The following CADPS2 variants were observed in gnomAD, a reference collection of about 807,000 sequenced individuals.
CADPS2 encodes calcium-dependent secretion activator 2.
In CADPS2, 93 loss-of-function variants were observed where a neutral mutation model predicts 172.5. The ratio of observed to expected loss-of-function variants is 0.54; its 90% CI spans 0.46 to 0.64. CADPS2 has a LOEUF of 0.64. Among genes scored for constraint, CADPS2 ranks in the 30% least tolerant of loss-of-function variants. CADPS2 has a pLI of 0.00. For synonymous variants in CADPS2, 546 were observed against 555.2 expected, an observed-to-expected ratio of 0.98 and a Z score of 0.23; for missense variants, 1,420 against 1,565.9, an observed-to-expected ratio of 0.91 and a Z score of 1.57.
intron 8 of CADPS2, among the ~76,000 whole-genome samples, chr7:122,553,471 C>A (rs2064590016): frequency 6.6e-6 from 1 of 152,008 alleles, no homozygotes; most frequent in Non-Finnish European, 1.5e-5. Context: ...TCTAAGAGCC[C>A]ACCCTCTCAT....
chr7:122,702,827 C>T, intron 2 of CADPS2: 1 of 1,146,188 alleles, frequency 8.7e-7, no homozygotes, highest in Middle Eastern at 2.0e-4. Flanking sequence ...AAGAAGATAG[C>T]TTGTTGGCGG....
At chr7:122,476,299 T>C (rs1209365382) in intron 12 of CADPS2, among the ~76,000 whole-genome samples, 1 of 152,024 alleles carries the variant, frequency 6.6e-6, no homozygotes, top group Non-Finnish European at 1.5e-5. Flanking sequence ...CATTAATGGT[T>C]AATCTGTTGA....
Position 122,819,783 on chromosome 7 carries a change from ATCC to A in CADPS2, c.339+66213_339+66215del, listed in dbSNP as rs567349989. Among the ~76,000 whole-genome samples, 174 of 152,048 alleles carry A rather than the reference ATCC, an allele frequency of 1.1e-3. 5 individuals carry two copies. The South Asian group carries it at 0.034, about 30-fold the overall frequency. ...CTTCCCAATCCAAAGCCTCCTTTGC[ATCC>A]TCCTCTTGTATCCCCCCACCTTAAT... On this transcript the variant is annotated intron_variant, in intron 1 of 29. Transcript: ENST00000449022.
chr7:122,877,095 C>T (rs1185430553), intron 1 of CADPS2, among the ~76,000 whole-genome samples: 3 of 151,780 alleles, frequency 2.0e-5, no homozygotes, highest in South Asian at 2.1e-4. Flanking sequence ...AGAAATTACC[C>T]GAGAAATGCA....
At chr7:122,867,869 G>C (rs1818715591) in intron 1 of CADPS2, among the ~76,000 whole-genome samples, 1 of 152,098 alleles carries the variant, frequency 6.6e-6, no homozygotes. Context: ...GCTTGCTTTT[G>C]AGATATAGTC....
chr7:122,621,609 A>C lies in CADPS2; in HGVS notation c.976T>G (p.Ser326Ala). Residue 326 changes from serine (S) to alanine (A), a missense_variant, in exon 5 of 30, where the codon TCG becomes GCG. Physicochemically the swap from Ser to Ala is moderately conservative, Grantham distance 99. Coordinates refer to ENST00000449022, the MANE Select transcript of CADPS2 (RefSeq NM_017954.11). ...AATTTAAATTCCGGACCACCTTTCG[A>C]AACTGGAAGACTTTCCAAATTGGCC... ...LMANLESLPV[S>A]KGGPEFKLQK... 1 of 1,613,802 alleles carries C rather than the reference A, an allele frequency of 6.2e-7. No homozygotes were observed. Among genetic ancestry groups the C allele is most frequent in the Non-Finnish European group, 8.5e-7 (1 of 1,179,760 alleles).
At chr7:122,425,425 CAAAA>C (rs71159797) in intron 17 of CADPS2, among the ~76,000 whole-genome samples, 3 of 72,676 alleles carry the variant, frequency 4.1e-5, no homozygotes, top group East Asian at 4.0e-4. Context: ...CTATCTCTAC[CAAAA>C]AAAAAAAAAA....
intron 1 of CADPS2, among the ~76,000 whole-genome samples, chr7:122,794,177 T>C (rs1474273334): frequency 6.6e-6 from 1 of 152,046 alleles, no homozygotes; most frequent in Non-Finnish European, 1.5e-5. Flanking sequence ...TTCTCATGGA[T>C]GATATCCTAA....
chr7:122,562,517 C>T (rs1286770487), intron 7 of CADPS2, among the ~76,000 whole-genome samples: 1 of 151,816 alleles, frequency 6.6e-6, no homozygotes, highest in Non-Finnish European at 1.5e-5. Context: ...GATTTTAGCT[C>T]ACAGAGATCC....
chr7:122,329,281 T>C (rs2034495845), intron 28 of CADPS2, among the ~76,000 whole-genome samples: 1 of 152,138 alleles, frequency 6.6e-6, no homozygotes, highest in South Asian at 2.1e-4. Flanking sequence ...TCCCCAACTG[T>C]GTCAGCACTG....
In CADPS2 at chr7:122,451,365, A is replaced by AT; in HGVS notation, c.2288+8_2288+9insA. 1 of 1,351,298 alleles carries AT rather than the reference A, an allele frequency of 7.4e-7. No individual in the cohort carries two copies. Among genetic ancestry groups the AT allele is most frequent in the Non-Finnish European group, 1.0e-6 (1 of 1,000,852 alleles). 83.7% of individuals were successfully genotyped at this position (1,351,298 alleles called of 1,614,324 possible). On this transcript the variant is annotated intron_variant, in intron 15 of 29. Transcript: ENST00000449022. ...AAAGAAATATTTATATTAATAAAAA[A>AT]ATATATACCTGAAATGGCTTATCTG...
chr7:122,678,854 G>A (rs900153364), intron 2 of CADPS2, among the ~76,000 whole-genome samples: 2 of 85,576 alleles, frequency 2.3e-5, no homozygotes, highest in African/African-American at 9.3e-5. Flanking sequence ...CGAATGGAGG[G>A]ACCAGCTGAA....
chr7:122,766,773 C>T (rs2093563450), intron 1 of CADPS2, among the ~76,000 whole-genome samples: 1 of 152,140 alleles, frequency 6.6e-6, no homozygotes, highest in African/African-American at 2.4e-5. Flanking sequence ...ATCATGACAT[C>T]ATAGCTGACA....
intron 8 of CADPS2, among the ~76,000 whole-genome samples, chr7:122,516,612 C>CA (rs2060398060): frequency 6.6e-6 from 1 of 151,848 alleles, no homozygotes; most frequent in Non-Finnish European, 1.5e-5. Flanking sequence ...CACTCAAAAA[C>CA]AATCTAAAAA....
At chr7:122,834,753 C>A (rs1004429636) in intron 1 of CADPS2, among the ~76,000 whole-genome samples, 1 of 152,134 alleles carries the variant, frequency 6.6e-6, no homozygotes, top group Non-Finnish European at 1.5e-5. Flanking sequence ...CACCTGCCAT[C>A]GCTGAGGCTC....
chr7:122,802,207 CT>C (rs1797807741), intron 1 of CADPS2, among the ~76,000 whole-genome samples: 2 of 152,106 alleles, frequency 1.3e-5, no homozygotes, highest in Admixed American at 6.6e-5. Flanking sequence ...AAATATCCCC[CT>C]GATTACCCTA....
chr7:122,815,896 T>C (rs893695757), intron 1 of CADPS2, among the ~76,000 whole-genome samples: 3 of 152,304 alleles, frequency 2.0e-5, no homozygotes, highest in South Asian at 4.1e-4. Context: ...GTTTTATTGA[T>C]ACCTAATAGT....
Position 122,439,131 on chromosome 7 carries a change from C to G in CADPS2, c.2353-667G>C, listed in dbSNP as rs556895360. Among the ~76,000 whole-genome samples, 7 of 152,122 alleles carry G rather than the reference C, an allele frequency of 4.6e-5. No individual in the cohort carries two copies. The South Asian group carries it at 1.5e-3, about 32-fold the overall frequency. The stretch of plus-strand genomic sequence containing the variant: ...ATAACTGATTATTCTCTGTTGGGCT[C>G]CTAAAATGTGTTTTTGGACTTTTCC... On this transcript the variant is annotated intron_variant, in intron 16 of 29. Transcript: ENST00000449022.
chr7:122,882,308 A>C (rs1823124264), intron 1 of CADPS2, among the ~76,000 whole-genome samples: 1 of 152,160 alleles, frequency 6.6e-6, no homozygotes, highest in Admixed American at 6.6e-5. Context: ...GTTACAGTGG[A>C]GACACACACT....
Sources: gnomAD v4.1 joint callset for allele counts (sites outside exome capture counted in the v4.1 genomes callset) on GRCh38, gnomAD v4.1.1 for gene constraint, MANE v1.5 for transcripts, NCBI Gene and HGNC (gene_info 2026-07-23, HGNC 2026-07-21) for gene names.